Variants in SHISA9 observed in about 807,000 individuals in gnomAD.
The protein encoded by SHISA9 is shisa family member 9.
In SHISA9, 13 loss-of-function variants were observed where a neutral mutation model predicts 38.0. The ratio of observed to expected loss-of-function variants is 0.34; its 90% CI spans 0.22 to 0.54. The LOEUF (loss-of-function observed/expected upper bound fraction) is 0.54. Among genes scored for constraint, SHISA9 ranks in the 20% least tolerant of loss-of-function variants. The probability of loss-of-function intolerance (pLI) is 0.91; values close to 1 mark genes in which losing one functional copy is unlikely to be tolerated. For synonymous variants in SHISA9, 275 were observed against 242.0 expected (o/e 1.14, Z -1.27); for missense variants, 538 against 575.8 (o/e 0.93, Z 0.67).
chr16:13,562,271 C>G, the SHISA9 span, among the ~76,000 whole-genome samples: 1 of 152,152 alleles, frequency 6.6e-6, no homozygotes, highest in Admixed American at 6.5e-5. Flanking sequence ...GAGTGCACAT[C>G]CACGCTAATG....
At position 13,134,752 on chromosome 16, in the gene SHISA9, C is replaced by T. The variant is rs2050333903; in HGVS notation, c.692-68642C>T. The stretch of plus-strand genomic sequence containing the variant: ...TAAGTTATGTTGCCATAACAAGTAT[C>T]CTCAAACATCTTGGTGGCTTGAAAC... On this transcript the variant is annotated intron_variant, in intron 2 of 4. Transcript: ENST00000558583. Among the ~76,000 whole-genome samples the T allele has an allele frequency of 2.6e-5, 4 of 152,056 alleles. No homozygotes were observed. In the South Asian group the frequency reaches 8.3e-4, roughly 32 times the overall value.
chr16:12,932,867 A>G (rs982379681), intron 2 of SHISA9, among the ~76,000 whole-genome samples: 3 of 152,204 alleles, frequency 2.0e-5, no homozygotes, highest in African/African-American at 4.8e-5. Flanking sequence ...CTCAGTGGGC[A>G]TGAGTGCTGT....
At position 13,235,394 on chromosome 16, in the gene SHISA9, A is replaced by G. The variant is rs2142089802; in HGVS notation, c.1260A>G (p.Thr420=). 2 of 1,537,462 alleles carry G rather than the reference A, an allele frequency of 1.3e-6. No individual in the cohort carries two copies. Among genetic ancestry groups the G allele is most frequent in the East Asian group, 2.4e-5 (1 of 40,874 alleles). The stretch of plus-strand genomic sequence containing the variant: ...CATACTTCATCACCAACAGCAAAAC[A>G]GAAGTGACTGTCTGAGCTTTCACCA... The part of the protein sequence containing the change: ...PQPYFITNSK[T]EVTV Residue 420 remains threonine, a synonymous_variant, in exon 5 of 5, where the codon ACA becomes ACG. Transcript: ENST00000558583.
At chr16:12,936,896 A>G (rs761928047) in intron 2 of SHISA9, among the ~76,000 whole-genome samples, 4 of 152,166 alleles carry the variant, frequency 2.6e-5, no homozygotes, top group Non-Finnish European at 5.9e-5. Context: ...GAATCCAACC[A>G]TTGACACCCT....
At chr16:13,187,136 C>G (rs1360922327) in intron 2 of SHISA9, among the ~76,000 whole-genome samples, 2 of 152,074 alleles carry the variant, frequency 1.3e-5, no homozygotes, top group African/African-American at 4.8e-5. Context: ...TTCCATGTGC[C>G]CTAGCAGACT....
intron 2 of SHISA9, among the ~76,000 whole-genome samples, chr16:12,940,220 A>G (rs1263435545): frequency 2.0e-5 from 3 of 152,180 alleles, no homozygotes; most frequent in Non-Finnish European, 4.4e-5. Flanking sequence ...TTGGGGGCCC[A>G]TCTTGCCATT....
chr16:13,276,444 G>T, the SHISA9 span, among the ~76,000 whole-genome samples: 2 of 152,118 alleles, frequency 1.3e-5, no homozygotes, highest in Admixed American at 1.3e-4. Flanking sequence ...TAGTGGGATT[G>T]CTGGATCAAA....
the SHISA9 span, among the ~76,000 whole-genome samples, chr16:13,409,115 A>G: frequency 6.6e-6 from 1 of 152,208 alleles, no homozygotes. Flanking sequence ...AAAGACGAAG[A>G]GAAGGAATAT....
At chr16:13,244,705 T>C (rs1233266680), downstream of SHISA9, among the ~76,000 whole-genome samples, 1 of 152,230 alleles carries the variant, frequency 6.6e-6, no homozygotes, top group African/African-American at 2.4e-5. Context: ...ATGGGGTTTG[T>C]CGACCTCTAA....
chr16:13,092,596 G>A (rs2073786297), intron 2 of SHISA9, among the ~76,000 whole-genome samples: 1 of 152,252 alleles, frequency 6.6e-6, no homozygotes, highest in Non-Finnish European at 1.5e-5. Flanking sequence ...CTAGCATTGA[G>A]CAAGGCTCCA....
At chr16:13,215,062 G>T (rs118096102) in intron 4 of SHISA9, among the ~76,000 whole-genome samples, 1 of 152,146 alleles carries the variant, frequency 6.6e-6, no homozygotes, top group Non-Finnish European at 1.5e-5. Flanking sequence ...CAGGTGGGTG[G>T]TGACCTGCAC....
At chr16:13,454,689 C>T in the SHISA9 span, among the ~76,000 whole-genome samples, 3 of 152,124 alleles carry the variant, frequency 2.0e-5, no homozygotes, top group African/African-American at 7.2e-5. Flanking sequence ...GACTGTCCCC[C>T]GAAGCCCATT....
intron 2 of SHISA9, among the ~76,000 whole-genome samples, chr16:12,958,973 A>T (rs1596550288): frequency 6.6e-6 from 1 of 152,158 alleles, no homozygotes; most frequent in South Asian, 2.1e-4. Flanking sequence ...TGTGGCTGGT[A>T]TAGGGGGCAA....
chr16:13,510,135 G>A, the SHISA9 span, among the ~76,000 whole-genome samples: 426 of 152,152 alleles, frequency 2.8e-3, 1 homozygote, highest in African/African-American at 4.9e-3. Context: ...GTGAAATCCC[G>A]TCTCTACTAA....
chr16:13,018,794 A>T (rs975147727), intron 2 of SHISA9, among the ~76,000 whole-genome samples: 2 of 152,072 alleles, frequency 1.3e-5, no homozygotes, highest in African/African-American at 4.8e-5. Flanking sequence ...CTAGGTGAGC[A>T]CTCTCAGAGA....
the SHISA9 span, among the ~76,000 whole-genome samples, chr16:13,319,091 A>G: frequency 1.3e-5 from 2 of 152,104 alleles, no homozygotes; most frequent in Non-Finnish European, 2.9e-5. Context: ...CACTGCAACC[A>G]CCGTTTTCCA....
the SHISA9 span, among the ~76,000 whole-genome samples, chr16:13,364,420 A>C: frequency 6.6e-6 from 1 of 152,246 alleles, no homozygotes; most frequent in East Asian, 1.9e-4. Context: ...ATATTTTTGC[A>C]TTCAGCATTC....
chr16:13,045,566 A>T (rs1469183842), intron 2 of SHISA9, among the ~76,000 whole-genome samples: 2 of 149,946 alleles, frequency 1.3e-5, no homozygotes, highest in Non-Finnish European at 2.9e-5. Context: ...GTACACGGTA[A>T]ATCTCCCACA....
chr16:13,142,773 T>G (rs1567225928), intron 2 of SHISA9, among the ~76,000 whole-genome samples: 1 of 152,304 alleles, frequency 6.6e-6, no homozygotes, highest in South Asian at 2.1e-4. Flanking sequence ...TACAGCAACC[T>G]TACCATGTTG....
Sources: gnomAD v4.1 joint callset for allele counts (sites outside exome capture counted in the v4.1 genomes callset) on GRCh38, gnomAD v4.1.1 for gene constraint, MANE v1.5 for transcripts, NCBI Gene and HGNC (gene_info 2026-07-23, HGNC 2026-07-21) for gene names.